The following SBF2 variants were observed in gnomAD, a reference collection of about 807,000 sequenced individuals.
The protein encoded by SBF2 is myotubularin-related protein 13.
Under a neutral mutation model 225.2 loss-of-function variants are expected in SBF2, and 112 were observed. That is an observed-to-expected ratio of 0.50 (90% CI 0.43 to 0.58). The LOEUF (loss-of-function observed/expected upper bound fraction) is 0.58, where lower values mean the gene tolerates loss of function less well. SBF2 is among the 20% of genes least tolerant of loss of function. SBF2 has a pLI of 0.00. For synonymous variants in SBF2, 763 were observed against 773.3 expected, an observed-to-expected ratio of 0.99 and a Z score of 0.22; for missense variants, 1,996 against 2,206.2, an observed-to-expected ratio of 0.90 and a Z score of 1.91.
intron 11 of SBF2, 71 bp from the exon 12 acceptor site, chr11:9,992,614 A>G: frequency 6.9e-7 from 1 of 1,442,338 alleles, no homozygotes; most frequent in Non-Finnish European, 9.5e-7. Flanking sequence ...ACAGAAATAC[A>G]ATAAAAAGAT....
rs571767485 is a variant in SBF2 at position 9,862,305 on chromosome 11, C to T, written c.1930-3909G>A. On this transcript the variant is annotated intron_variant, in intron 17 of 39. Coordinates refer to ENST00000256190, the MANE Select transcript of SBF2 (RefSeq NM_030962.4). ...GGGCCATTCCACTGATGGGTGTTCTCAGGACCAGCAGAGGGCAGTATCACT... is the reference window on the plus strand; with the variant it reads ...GGGCCATTCCACTGATGGGTGTTCTTAGGACCAGCAGAGGGCAGTATCACT... Among the ~76,000 whole-genome samples the T allele has an allele frequency of 2.0e-5, 3 of 152,312 alleles. No homozygotes were observed. In the South Asian group the frequency reaches 6.2e-4, roughly 32 times the overall value.
At chr11:10,241,873 C>T (rs1313126962) in intron 1 of SBF2, among the ~76,000 whole-genome samples, 1 of 151,974 alleles carries the variant, frequency 6.6e-6, no homozygotes, top group Non-Finnish European at 1.5e-5. Context: ...ATTCCCTTGG[C>T]CCACAAGTTC....
Position 9,968,421 on chromosome 11 carries a change from T to G in SBF2, c.1520A>C (p.Glu507Ala). 6.2e-7 allele frequency: 1 copy of G among 1,614,148 alleles called. No homozygotes were observed. The highest frequency in any genetic ancestry group is 1.1e-5 in the South Asian group (1 of 91,080). The change falls in exon 14 of 40, where the codon GAA becomes GCA. Residue 507 changes from glutamate (E) to alanine (A), a missense_variant. Glu to Ala is a moderately radical substitution (Grantham distance 107). Coordinates refer to ENST00000256190, the MANE Select transcript of SBF2 (RefSeq NM_030962.4). ...TGCATTCTGGTTCTTAGCAACATTT[T>G]CCTGTATTAATTCCTGAACCCGGGC... ...NEARVQELIQ[E>A]NVAKNQNAPP...
At chr11:10,245,082 C>T (rs1467675045) in intron 1 of SBF2, among the ~76,000 whole-genome samples, 6 of 139,328 alleles carry the variant, frequency 4.3e-5, no homozygotes, top group Non-Finnish European at 4.6e-5. Flanking sequence ...CACAGTGAGC[C>T]GAGATCACAC....
chr11:9,798,764 G>T (rs1263626185), intron 32 of SBF2, among the ~76,000 whole-genome samples: 1 of 152,086 alleles, frequency 6.6e-6, no homozygotes, highest in African/African-American at 2.4e-5. Context: ...GGTTAACATG[G>T]TGAAACCCTG....
intron 2 of SBF2, among the ~76,000 whole-genome samples, chr11:10,122,358 G>A (rs1953505609): frequency 1.3e-5 from 2 of 152,198 alleles, no homozygotes; most frequent in African/African-American, 4.8e-5. Flanking sequence ...ACTGTCCACA[G>A]TTTCAGGGTG....
chr11:9,826,494 CA>C (rs112517760), intron 28 of SBF2, among the ~76,000 whole-genome samples: 19 of 152,142 alleles, frequency 1.2e-4, no homozygotes, highest in African/African-American at 4.6e-4. Context: ...GCAAGCCTGA[CA>C]AGAGTTTTTC....
chr11:9,838,829 C>T (rs1855899433), intron 26 of SBF2: 1 of 152,134 alleles, frequency 6.6e-6, no homozygotes, highest in Admixed American at 6.6e-5. Context: ...TATATATTTA[C>T]ATATAGTAAA....
At chr11:9,941,184 G>A (rs1478308208) in intron 16 of SBF2, among the ~76,000 whole-genome samples, 7 of 152,066 alleles carry the variant, frequency 4.6e-5, no homozygotes, top group African/African-American at 1.4e-4. Context: ...GCATGGTGGC[G>A]CATGCCTGTG....
chr11:10,132,314 G>T (rs1439566189), intron 2 of SBF2, among the ~76,000 whole-genome samples: 4 of 152,144 alleles, frequency 2.6e-5, no homozygotes, highest in African/African-American at 9.7e-5. Context: ...AACGACAGGG[G>T]TCCTAATGTG....
At chr11:9,953,173 C>T (rs561217092) in intron 16 of SBF2, among the ~76,000 whole-genome samples, 5 of 152,344 alleles carry the variant, frequency 3.3e-5, no homozygotes, top group African/African-American at 1.2e-4. Flanking sequence ...GGGTTGGGCA[C>T]AGTGGCTTAT....
intron 2 of SBF2, 21 bp from the exon 3 acceptor site, chr11:10,043,002 A>T: frequency 6.2e-7 from 1 of 1,610,998 alleles, no homozygotes; most frequent in Non-Finnish European, 8.5e-7. Flanking sequence ...TAGAAAAAAA[A>T]ATGTAACATT....
chr11:10,068,864 T>C (rs577886643), intron 2 of SBF2, among the ~76,000 whole-genome samples: 1 of 152,306 alleles, frequency 6.6e-6, no homozygotes, highest in African/African-American at 2.4e-5. Context: ...TTTAAACAAT[T>C]AAAATATGAA....
At chr11:9,811,227 C>T (rs1854162404) in intron 30 of SBF2, 1 of 152,168 alleles carries the variant, frequency 6.6e-6, no homozygotes, top group African/African-American at 2.4e-5. Flanking sequence ...AGAAAAACTA[C>T]CTATCAGGTA....
At chr11:10,004,648 T>C (rs912747501) in intron 6 of SBF2, among the ~76,000 whole-genome samples, 1 of 150,410 alleles carries the variant, frequency 6.6e-6, no homozygotes, top group African/African-American at 2.4e-5. Flanking sequence ...AGGAAATTCC[T>C]TGTGGACAAA....
chr11:10,153,411 A>G (rs994731764), intron 2 of SBF2, among the ~76,000 whole-genome samples: 12 of 152,184 alleles, frequency 7.9e-5, no homozygotes, highest in Non-Finnish European at 1.5e-4. Flanking sequence ...AATATTAGGA[A>G]CACAATTCTA....
intron 17 of SBF2, among the ~76,000 whole-genome samples, chr11:9,889,527 T>C (rs1011038530): frequency 1.3e-4 from 20 of 152,234 alleles, no homozygotes; most frequent in Non-Finnish European, 2.5e-4. Context: ...TGAGGAGTCA[T>C]GTTGTACATC....
At chr11:9,826,189 T>C (rs377233145) in intron 28 of SBF2, among the ~76,000 whole-genome samples, 10 of 152,290 alleles carry the variant, frequency 6.6e-5, no homozygotes, top group Non-Finnish European at 1.5e-4. Flanking sequence ...TTAAGAACAA[T>C]AGCACATGTG....
intron 17 of SBF2, among the ~76,000 whole-genome samples, chr11:9,879,638 T>G (rs1206536834): frequency 1.3e-5 from 2 of 152,216 alleles, no homozygotes; most frequent in East Asian, 3.8e-4. Context: ...ATAGTTGAAT[T>G]CATGTCCTGT....
Sources: allele counts gnomAD v4.1 joint callset (sites outside exome capture counted in the v4.1 genomes callset), GRCh38; gene constraint gnomAD v4.1.1; transcripts MANE v1.5; gene names NCBI Gene and HGNC (gene_info 2026-07-23, HGNC 2026-07-21).